Variants in CEP250 observed in about 807,000 individuals in gnomAD.
CEP250 encodes centrosomal protein 250, also known as centrosome-associated protein CEP250.
CEP250 carries 242 observed loss-of-function variants against 315.7 expected under a neutral mutation model. That is an observed-to-expected ratio of 0.77 (90% CI 0.69 to 0.85). The LOEUF (loss-of-function observed/expected upper bound fraction) is 0.85. Among genes scored for constraint, CEP250 ranks in the 40% least tolerant of loss-of-function variants. The probability of loss-of-function intolerance (pLI) is 0.00; values close to 1 mark genes in which losing one functional copy is unlikely to be tolerated. For missense variants in CEP250, 2,515 were observed against 2,886.4 expected, an observed-to-expected ratio of 0.87 and a Z score of 2.95; for synonymous variants, 1,088 against 1,175.0, an observed-to-expected ratio of 0.93 and a Z score of 1.51.
chr20:35,509,560 A>G (rs937419541), intron 33 of CEP250, among the ~76,000 whole-genome samples: 1 of 152,246 alleles, frequency 6.6e-6, no homozygotes, highest in Non-Finnish European at 1.5e-5. Context: ...CAACAGACAC[A>G]GGCTTGCAGC....
chr20:35,465,420 CAAAAAAA>C (rs80078387), intron 5 of CEP250, among the ~76,000 whole-genome samples: 2 of 59,088 alleles, frequency 3.4e-5, no homozygotes, highest in East Asian at 5.3e-4. Context: ...ACTCTGTCTC[CAAAAAAA>C]AAAAAAAAAA....
In CEP250 at chr20:35,474,031, C is replaced by T. The variant is rs753202541; in HGVS notation, c.1550C>T (p.Ala517Val). The change falls in exon 14 of 35, where the codon GCT (alanine) becomes GTT (valine). Residue 517 changes from alanine to valine, a missense_variant. By Grantham distance (64) the Ala-to-Val change is moderately conservative (BLOSUM62 0). Transcript: ENST00000397527. ...GAACAGCAGGAGGAGCTGCACCTGG[C>T]TGTCCGGGAGAGGGAGCGTCTGTAA... is the stretch of plus-strand genomic sequence containing the variant. ...KEEQQEELHL[A>V]VRERERLQEM... The T allele has an allele frequency of 3.2e-6, 5 of 1,580,238 alleles. No homozygotes were observed. The highest frequency in any genetic ancestry group is 2.0e-4 in the Middle Eastern group (1 of 4,956).
chr20:35,487,580 C>T (rs1270310750), intron 20 of CEP250, among the ~76,000 whole-genome samples: 1 of 152,118 alleles, frequency 6.6e-6, no homozygotes, highest in East Asian at 1.9e-4. Context: ...TAAGCACCTC[C>T]CCATGCCAAG....
chr20:35,475,443 C>T, intron 14 of CEP250, 59 bp from the exon 15 acceptor site: 1 of 1,557,708 alleles, frequency 6.4e-7, no homozygotes, highest in African/African-American at 1.4e-5. Context: ...TTCCTGTTAC[C>T]TTTGGGGTTA....
chr20:35,506,288 A>G (rs1046910171), intron 30 of CEP250, among the ~76,000 whole-genome samples: 2 of 152,334 alleles, frequency 1.3e-5, no homozygotes, highest in Admixed American at 6.5e-5. Context: ...AGCCAGAGAC[A>G]CTTTGGAGTC....
chr20:35,500,630 T>G (rs114042706), intron 28 of CEP250, among the ~76,000 whole-genome samples: 2,203 of 152,260 alleles, frequency 0.014, 42 homozygotes, highest in African/African-American at 0.05. Context: ...AGGGAGTGCT[T>G]GAACTCCTGG....
At position 35,501,918 on chromosome 20, in the gene CEP250, C is replaced by T. The variant is rs779683462; in HGVS notation, c.3972C>T (p.Ser1324=). 16 of 1,613,542 alleles carry T rather than the reference C, an allele frequency of 9.9e-6. No homozygotes were observed. Among genetic ancestry groups the T allele is most frequent in the Non-Finnish European group, 1.4e-5 (16 of 1,180,030 alleles). The change falls in exon 29 of 35, where the codon TCC becomes TCT. Residue 1324 remains serine, a synonymous_variant. Coordinates refer to ENST00000397527, the MANE Select transcript of CEP250 (RefSeq NM_007186.6). The part of the protein sequence containing the change: ...ELMELHETMA[S]LQSRLRRAEL... ...TGGAACTACATGAAACTATGGCATC[C>T]TTACAGAGTCGCCTGCGGAGAGCAG...
At chr20:35,467,179 G>GGGGGCGCCC in intron 8 of CEP250, 107 bp downstream of exon 8, 1 of 534,910 alleles carries the variant, frequency 1.9e-6, no homozygotes, top group Non-Finnish European at 3.5e-6. Flanking sequence ...GGTGGGTGGG[G>GGGGGCGCCC]GAGTTGGTAG....
Position 35,463,612 on chromosome 20 carries a change from A to G in CEP250, c.224A>G (p.Lys75Arg). The change falls in exon 5 of 35, where the codon AAG (lysine) becomes AGG (arginine). Residue 75 changes from lysine (K) to arginine (R), a missense_variant. Lys to Arg is a conservative substitution (Grantham distance 26). Transcript: ENST00000397527. ...QYRSWCQELE[K>R]RLEATGGPIP... is the part of the protein sequence containing the mutation. ...CGAAGCTGGTGCCAAGAGCTGGAGA[A>G]GCGGCTAGAAGCCACTGGAGTGAGT... 2 of 1,608,860 alleles carry G rather than the reference A, an allele frequency of 1.2e-6. No homozygotes were observed. The highest frequency in any genetic ancestry group is 2.3e-5 in the East Asian group (1 of 44,434).
At position 35,493,568 on chromosome 20, in the gene CEP250, A is replaced by C. The variant is rs751672702; in HGVS notation, c.3029A>C (p.Lys1010Thr). The C allele has an allele frequency of 1.3e-6, 2 of 1,543,770 alleles. No homozygotes were observed. Among genetic ancestry groups the C allele is most frequent in the Non-Finnish European group, 1.7e-6 (2 of 1,147,808 alleles). Residue 1010 changes from lysine to threonine, a missense_variant, in exon 23 of 35, where the codon AAG (lysine) becomes ACG (threonine). Coordinates refer to ENST00000397527, the MANE Select transcript of CEP250 (RefSeq NM_007186.6). The stretch of plus-strand genomic sequence containing the variant: ...CTGCAGGATAAGATGGACCTGCAGA[A>C]GCAGGTCCCCTCCTCCTCCCCACCA... ...SLLQDKMDLQKQVEDLKSQLV... is the reference protein window; with the variant it reads ...SLLQDKMDLQTQVEDLKSQLV...
At position 35,474,047 on chromosome 20, in the gene CEP250, G is replaced by A. The variant is rs2146802254; in HGVS notation, c.1566G>A (p.Glu522=). 1.3e-6 allele frequency: 2 copies of A among 1,553,382 alleles called. No homozygotes were observed. The highest frequency in any genetic ancestry group is 1.2e-5 in the South Asian group (1 of 84,078). The change falls in exon 14 of 35, where the codon GAG becomes GAA. Residue 522 remains glutamate, a synonymous_variant. Transcript: ENST00000397527. ...EELHLAVRER[E]RLQEMLMGLE... ...TGCACCTGGCTGTCCGGGAGAGGGAGCGTCTGTAAGTGAGACTAGTCTCCT... is the reference window on the plus strand; with the variant it reads ...TGCACCTGGCTGTCCGGGAGAGGGAACGTCTGTAAGTGAGACTAGTCTCCT...
chr20:35,485,842 T>A (rs1404548149), intron 20 of CEP250, among the ~76,000 whole-genome samples: 11 of 130,760 alleles, frequency 8.4e-5, no homozygotes, highest in Middle Eastern at 3.8e-3. Flanking sequence ...TTTTTTTTTT[T>A]ATAGAGATGG....
intron 2 of CEP250, among the ~76,000 whole-genome samples, chr20:35,459,501 G>A (rs906663960): frequency 1.1e-4 from 17 of 152,060 alleles, no homozygotes; most frequent in Admixed American, 6.6e-4. Flanking sequence ...AATGAGTGAG[G>A]CTGGGCTTGG....
chr20:35,479,761 G>A lies in CEP250; in HGVS notation c.2404G>A (p.Glu802Lys). 6.2e-7 allele frequency: 1 copy of A among 1,614,206 alleles called. No homozygotes were observed. The highest frequency in any genetic ancestry group is 8.5e-7 in the Non-Finnish European group (1 of 1,180,046). The change falls in exon 19 of 35, where the codon GAA becomes AAA. Residue 802 changes from glutamate (E) to lysine (K), a missense_variant. Glu to Lys is a moderately conservative substitution (Grantham distance 56, BLOSUM62 1). Coordinates refer to ENST00000397527, the MANE Select transcript of CEP250 (RefSeq NM_007186.6). Reference protein sequence around the residue: ...VQIQTVTQAKEVIQGEVRCLK... With the variant: ...VQIQTVTQAKKVIQGEVRCLK... ...GATTCAAACTGTCACTCAAGCCAAG[G>A]AAGTAATCCAAGGTGAGAACCCAAC...
rs1468181530 is a variant in CEP250 at position 35,504,007 on chromosome 20, C to T, written c.5638C>T (p.Arg1880Trp). ...RLEEELAVEGRRVQALEEVLG... is the reference protein window; with the variant it reads ...RLEEELAVEGWRVQALEEVLG... ...GGAGGAAGAGCTGGCAGTGGAGGGA[C>T]GGCGGGTCCAGGCCCTGGAGGAGGT... The change falls in exon 30 of 35, where the codon CGG (arginine) becomes TGG (tryptophan). Residue 1880 changes from arginine (R) to tryptophan (W), a missense_variant. Transcript: ENST00000397527. 3.1e-6 allele frequency: 5 copies of T among 1,608,620 alleles called. No individual in the cohort carries two copies. The highest frequency in any genetic ancestry group is 4.5e-5 in the East Asian group (2 of 44,822).
At chr20:35,478,920 C>A (rs899688329) in intron 17 of CEP250, among the ~76,000 whole-genome samples, 1 of 152,134 alleles carries the variant, frequency 6.6e-6, no homozygotes, top group Non-Finnish European at 1.5e-5. Flanking sequence ...TCACAGAGTC[C>A]CTTTCTCGGG....
chr20:35,496,748 C>T, intron 25 of CEP250, 33 bp downstream of exon 25: 1 of 1,593,690 alleles, frequency 6.3e-7, no homozygotes, highest in Non-Finnish European at 8.5e-7. Context: ...GCTCTGCATC[C>T]CTGGCAGAAG....
intron 9 of CEP250, among the ~76,000 whole-genome samples, chr20:35,468,956 T>G (rs1352119035): frequency 6.6e-6 from 1 of 152,092 alleles, no homozygotes; most frequent in Non-Finnish European, 1.5e-5. Flanking sequence ...GGATTACCGG[T>G]TGAGCCACCG....
intron 3 of CEP250, among the ~76,000 whole-genome samples, chr20:35,460,665 C>A (rs184842077): frequency 5.6e-4 from 86 of 152,336 alleles, no homozygotes; most frequent in Admixed American, 3.3e-3. Flanking sequence ...TCTGATTTTC[C>A]AAAGGAGCCA....
Sources: gnomAD v4.1 joint callset for allele counts (sites outside exome capture counted in the v4.1 genomes callset) on GRCh38, gnomAD v4.1.1 for gene constraint, MANE v1.5 for transcripts, NCBI Gene and HGNC (gene_info 2026-07-23, HGNC 2026-07-21) for gene names.